Variants in KCNH5 observed in about 807,000 individuals in gnomAD.
The protein encoded by KCNH5 is potassium voltage-gated channel subfamily H member 5, also known as voltage-gated delayed rectifier potassium channel KCNH5.
KCNH5 carries 46 observed loss-of-function variants against 96.1 expected under a neutral mutation model. The ratio of observed to expected loss-of-function variants is 0.48; its 90% CI spans 0.38 to 0.61. The LOEUF (loss-of-function observed/expected upper bound fraction) is 0.61. Among genes scored for constraint, KCNH5 ranks in the 20% least tolerant of loss-of-function variants. The pLI is 0.00. For missense variants in KCNH5, 907 were observed against 1,225.8 expected (o/e 0.74, Z 3.88); for synonymous variants, 439 against 449.8 (o/e 0.98, Z 0.30).
chr14:62,992,413 T>C (rs1269978047), intron 4 of KCNH5, among the ~76,000 whole-genome samples: 3 of 152,152 alleles, frequency 2.0e-5, no homozygotes, highest in Non-Finnish European at 2.9e-5. Context: ...TTGTTTTCCA[T>C]TGAGGTTGTA....
At chr14:62,858,249 C>T (rs1823177140) in intron 7 of KCNH5, among the ~76,000 whole-genome samples, 1 of 152,190 alleles carries the variant, frequency 6.6e-6, no homozygotes, top group South Asian at 2.1e-4. Flanking sequence ...CTTTTGCCTT[C>T]AGCAAGCACT....
chr14:63,028,356 T>C (rs1400334472), intron 1 of KCNH5, among the ~76,000 whole-genome samples: 2 of 152,068 alleles, frequency 1.3e-5, no homozygotes, highest in Admixed American at 1.3e-4. Flanking sequence ...ACAAAATTAA[T>C]AACAAAAGCA....
chr14:62,906,935 A>AC (rs1889040455), intron 7 of KCNH5, among the ~76,000 whole-genome samples: 1 of 152,194 alleles, frequency 6.6e-6, no homozygotes, highest in Non-Finnish European at 1.5e-5. Context: ...CAAAATAAAA[A>AC]ATGTATCCTG....
intron 10 of KCNH5, among the ~76,000 whole-genome samples, chr14:62,761,129 C>T (rs959047514): frequency 2.6e-5 from 4 of 152,068 alleles, no homozygotes; most frequent in Non-Finnish European, 4.4e-5. Context: ...CCAAGGCCGG[C>T]AGATCACCTG....
At chr14:63,035,900 T>A (rs2139629045) in intron 1 of KCNH5, among the ~76,000 whole-genome samples, 1 of 152,310 alleles carries the variant, frequency 6.6e-6, no homozygotes, top group Non-Finnish European at 1.5e-5. Flanking sequence ...AAGGTAGGTG[T>A]CCTAATTCTG....
chr14:62,793,518 G>T (rs1450167443), intron 9 of KCNH5, among the ~76,000 whole-genome samples: 1 of 151,784 alleles, frequency 6.6e-6, no homozygotes, highest in Non-Finnish European at 1.5e-5. Context: ...GATCACAGAA[G>T]CGTATAGAGA....
At chr14:62,808,128 G>A (rs1213319023) in intron 8 of KCNH5, among the ~76,000 whole-genome samples, 2 of 152,104 alleles carry the variant, frequency 1.3e-5, no homozygotes, top group African/African-American at 4.8e-5. Flanking sequence ...AACATAACAT[G>A]TAATTGAGAC....
In KCNH5 at chr14:62,746,217, T is replaced by C. The variant is rs1246318658; in HGVS notation, c.2019+33511A>G. 2.0e-5 allele frequency among the ~76,000 whole-genome samples: 3 copies of C among 152,234 alleles called. No individual in the cohort carries two copies. In the East Asian group the frequency reaches 5.8e-4, roughly 29 times the overall value. ...CTTTTCCTAGAAATATTATTTATGTTAGAGGAATATAAATCCATGTAATAT... is the reference window on the plus strand; with the variant it reads ...CTTTTCCTAGAAATATTATTTATGTCAGAGGAATATAAATCCATGTAATAT... On this transcript the variant is annotated intron_variant, in intron 10 of 10. Transcript: ENST00000322893.
intron 9 of KCNH5, among the ~76,000 whole-genome samples, chr14:62,792,479 G>A (rs1886455039): frequency 6.6e-6 from 1 of 151,348 alleles, no homozygotes; most frequent in Admixed American, 6.6e-5. Flanking sequence ...TTAGTGTTAA[G>A]AACAAATTGA....
chr14:62,994,600 G>T (rs1890872476), intron 4 of KCNH5, among the ~76,000 whole-genome samples: 1 of 151,924 alleles, frequency 6.6e-6, no homozygotes, highest in Non-Finnish European at 1.5e-5. Flanking sequence ...TAGTTTATTT[G>T]GTTCAAAGCA....
At chr14:62,865,719 G>A (rs555819662) in intron 7 of KCNH5, among the ~76,000 whole-genome samples, 3 of 152,094 alleles carry the variant, frequency 2.0e-5, no homozygotes, top group African/African-American at 7.2e-5. Context: ...ACTTTTGACT[G>A]CCCTACATAA....
At chr14:62,998,167 A>G (rs1165975213) in intron 4 of KCNH5, among the ~76,000 whole-genome samples, 2 of 152,174 alleles carry the variant, frequency 1.3e-5, no homozygotes. Flanking sequence ...AAATAAATAA[A>G]GCACAAATGA....
chr14:62,915,078 T>A (rs947930034), intron 7 of KCNH5, among the ~76,000 whole-genome samples: 1 of 152,144 alleles, frequency 6.6e-6, no homozygotes, highest in Non-Finnish European at 1.5e-5. Flanking sequence ...GAACCAGAGA[T>A]CTCCCTGCTC....
intron 7 of KCNH5, among the ~76,000 whole-genome samples, chr14:62,923,851 G>A (rs1889423609): frequency 6.6e-6 from 1 of 151,832 alleles, no homozygotes; most frequent in African/African-American, 2.4e-5. Flanking sequence ...CATAAGAATT[G>A]AAATCATAAA....
At chr14:62,741,828 G>A (rs1223230801) in intron 10 of KCNH5, among the ~76,000 whole-genome samples, 5 of 152,122 alleles carry the variant, frequency 3.3e-5, no homozygotes, top group Admixed American at 3.3e-4. Context: ...AGAAAGAATA[G>A]CATTAGTGTT....
At position 62,708,294 on chromosome 14, in the gene KCNH5, A is replaced by T. The variant is rs750428271; in HGVS notation, c.2181T>A (p.Gly727=). Residue 727 remains glycine (G), a synonymous_variant, in exon 11 of 11, where the codon GGT becomes GGA. Coordinates refer to ENST00000322893, the MANE Select transcript of KCNH5 (RefSeq NM_139318.5). ...CCTGGAGTTGGTTCCTCTCAGGGTC[A>T]CCCTGTGTTGAGCCCTGATTCCGCA... ...KELRNQGSTQ[G]DPERNQLQVE... 1 of 1,614,116 alleles carries T rather than the reference A, an allele frequency of 6.2e-7. No homozygotes were observed. Among genetic ancestry groups the T allele is most frequent in the Admixed American group, 1.7e-5 (1 of 60,024 alleles).
chr14:62,814,351 G>A (rs1886930495), intron 8 of KCNH5, among the ~76,000 whole-genome samples: 2 of 152,104 alleles, frequency 1.3e-5, no homozygotes, highest in Admixed American at 6.6e-5. Context: ...AGCTTCTACT[G>A]TGCTTTGCTC....
chr14:62,829,455 G>A (rs984528099), intron 8 of KCNH5, among the ~76,000 whole-genome samples: 2 of 152,190 alleles, frequency 1.3e-5, no homozygotes, highest in African/African-American at 4.8e-5. Flanking sequence ...CTAGGGGAAG[G>A]CTCCCAAAGT....
At chr14:62,936,759 C>T (rs995022641) in intron 7 of KCNH5, among the ~76,000 whole-genome samples, 7 of 151,294 alleles carry the variant, frequency 4.6e-5, no homozygotes, top group Non-Finnish European at 8.8e-5. Flanking sequence ...AGGCAGATCA[C>T]GAGGTCAGGA....
Sources: allele counts gnomAD v4.1 joint callset (sites outside exome capture counted in the v4.1 genomes callset), GRCh38; gene constraint gnomAD v4.1.1; transcripts MANE v1.5; gene names NCBI Gene and HGNC (gene_info 2026-07-23, HGNC 2026-07-21).